IPCEF1: variants seen among roughly 807,000 people sequenced by gnomAD.
IPCEF1 encodes the protein interactor protein for cytohesin exchange factors 1.
Under a neutral mutation model 50.9 loss-of-function variants are expected in IPCEF1, and 31 were observed. The observed-to-expected ratio is 0.61, with a 90% CI of 0.46 to 0.82. The LOEUF (loss-of-function observed/expected upper bound fraction) is 0.82, where lower values mean the gene tolerates loss of function less well. IPCEF1 is among the 40% of genes least tolerant of loss of function. The pLI, the probability that IPCEF1 is intolerant of heterozygous loss-of-function variation, is 0.00. For missense variants in IPCEF1, 458 were observed against 514.0 expected, an observed-to-expected ratio of 0.89 and a Z score of 1.05; for synonymous variants, 181 against 192.0, an observed-to-expected ratio of 0.94 and a Z score of 0.47.
At chr6:154,323,731 T>C (rs979501741) in intron 1 of IPCEF1, among the ~76,000 whole-genome samples, 4 of 152,158 alleles carry the variant, frequency 2.6e-5, no homozygotes, top group Non-Finnish European at 4.4e-5. Context: ...GGTGGGCAGA[T>C]CACCTGAGGT....
At chr6:154,170,796 G>A (rs1196608827) in intron 10 of IPCEF1, among the ~76,000 whole-genome samples, 1 of 152,226 alleles carries the variant, frequency 6.6e-6, no homozygotes, top group Non-Finnish European at 1.5e-5. Flanking sequence ...AGTAGTAAGT[G>A]TGGATGAGGA....
At chr6:154,195,033 C>T (rs969017239) in intron 10 of IPCEF1, among the ~76,000 whole-genome samples, 4 of 152,122 alleles carry the variant, frequency 2.6e-5, no homozygotes, top group Non-Finnish European at 4.4e-5. Flanking sequence ...CCTTCCTTCC[C>T]GTCTCCACTG....
intron 9 of IPCEF1, among the ~76,000 whole-genome samples, chr6:154,207,876 C>T (rs909935144): frequency 3.3e-5 from 5 of 152,138 alleles, no homozygotes; most frequent in Non-Finnish European, 5.9e-5. Context: ...TATTTATCTC[C>T]TCTGTTTGTC....
chr6:154,241,397 A>T (rs1780581600), intron 5 of IPCEF1, among the ~76,000 whole-genome samples: 1 of 152,184 alleles, frequency 6.6e-6, no homozygotes, highest in African/African-American at 2.4e-5. Flanking sequence ...TAATAATTTT[A>T]TACAAAGAAA....
At chr6:154,343,006 C>T (rs897693623) in intron 1 of IPCEF1, among the ~76,000 whole-genome samples, 3 of 152,092 alleles carry the variant, frequency 2.0e-5, no homozygotes, top group Non-Finnish European at 4.4e-5. Context: ...GTCCCAGCTA[C>T]TCAGGAGGCT....
At chr6:154,345,116 C>T (rs1784002279) in intron 1 of IPCEF1, among the ~76,000 whole-genome samples, 1 of 152,222 alleles carries the variant, frequency 6.6e-6, no homozygotes, top group Admixed American at 6.5e-5. Flanking sequence ...GTGATCCACC[C>T]GCCTTGGCCT....
At chr6:154,288,381 C>T (rs1004390626) in intron 2 of IPCEF1, among the ~76,000 whole-genome samples, 2 of 151,924 alleles carry the variant, frequency 1.3e-5, no homozygotes, top group Non-Finnish European at 2.9e-5. Context: ...TAACTGTGGG[C>T]GGCCGGGCGC....
intron 2 of IPCEF1, among the ~76,000 whole-genome samples, chr6:154,266,560 CTATATATATA>C (rs34187257): frequency 1.5e-5 from 2 of 134,834 alleles, no homozygotes; most frequent in Non-Finnish European, 3.1e-5. Flanking sequence ...CTTAATATTA[CTATATATATA>C]TATATATATA....
At chr6:154,300,586 C>A (rs1311578624) in intron 1 of IPCEF1, among the ~76,000 whole-genome samples, 1 of 152,086 alleles carries the variant, frequency 6.6e-6, no homozygotes, top group East Asian at 1.9e-4. Context: ...TGCACTCCAG[C>A]CTGGGTGACA....
At chr6:154,233,997 C>T (rs1194848540) in intron 5 of IPCEF1, among the ~76,000 whole-genome samples, 1 of 152,104 alleles carries the variant, frequency 6.6e-6, no homozygotes, top group Non-Finnish European at 1.5e-5. Flanking sequence ...TCTCTTGAGG[C>T]TAGGAGTTCA....
intron 8 of IPCEF1, 59 bp downstream of exon 8, chr6:154,214,159 C>A: frequency 1.9e-6 from 2 of 1,080,200 alleles, no homozygotes; most frequent in South Asian, 2.5e-5. Flanking sequence ...TTTTTTCACC[C>A]TGTTTCAACC....
At chr6:154,290,516 A>G (rs1301901282) in intron 1 of IPCEF1, among the ~76,000 whole-genome samples, 1 of 152,076 alleles carries the variant, frequency 6.6e-6, no homozygotes, top group African/African-American at 2.4e-5. Context: ...CTCCTCAAAA[A>G]CTTGCCTCAG....
Position 154,212,799 on chromosome 6 carries a change from G to C in IPCEF1, c.508C>G (p.Pro170Ala), listed in dbSNP as rs766686514. ...DPEIAAETPP[P>A]PHASQTQSLT... ...GACTGAGTCTGGGAAGCGTGAGGAG[G>C]GGGTGGTGTCTCCGCAGCTATTTCT... Residue 170 changes from proline (P) to alanine (A), a missense_variant, in exon 9 of 12, where the codon CCT (proline) becomes GCT (alanine). Physicochemically the swap from Pro to Ala is conservative, Grantham distance 27. Coordinates refer to ENST00000367220, the MANE Select transcript of IPCEF1 (RefSeq NM_001130700.2). 8.1e-6 allele frequency: 13 copies of C among 1,613,456 alleles called. No homozygotes were observed. Among genetic ancestry groups the C allele is most frequent in the East Asian group, 6.7e-5 (3 of 44,896 alleles).
intron 5 of IPCEF1, among the ~76,000 whole-genome samples, chr6:154,237,216 G>A (rs1325377828): frequency 1.3e-5 from 2 of 152,066 alleles, no homozygotes; most frequent in Non-Finnish European, 2.9e-5. Context: ...TCATCCCATG[G>A]GCCACTTGGC....
At chr6:154,243,872 C>T (rs141019024) in intron 5 of IPCEF1, among the ~76,000 whole-genome samples, 8 of 152,272 alleles carry the variant, frequency 5.3e-5, no homozygotes, top group Non-Finnish European at 1.0e-4. Flanking sequence ...ACAACTACTA[C>T]CTCTCAGGGT....
At chr6:154,322,216 G>C (rs1334940800) in intron 1 of IPCEF1, among the ~76,000 whole-genome samples, 1 of 152,058 alleles carries the variant, frequency 6.6e-6, no homozygotes, top group Non-Finnish European at 1.5e-5. Context: ...AACTTCATCT[G>C]ATGAAAAGGC....
intron 10 of IPCEF1, among the ~76,000 whole-genome samples, chr6:154,183,036 G>A (rs1310289665): frequency 4.0e-5 from 6 of 151,886 alleles, no homozygotes; most frequent in Admixed American, 6.6e-5. Context: ...CTGGAGTGCA[G>A]TGGTGTGATC....
chr6:154,355,466 C>G (rs1007305866), intron 1 of IPCEF1, among the ~76,000 whole-genome samples: 2 of 151,554 alleles, frequency 1.3e-5, no homozygotes, highest in South Asian at 4.2e-4. Flanking sequence ...GTGTTCTTTC[C>G]ATTTCTGTTT....
rs573975941 is a variant in IPCEF1 at position 154,299,376 on chromosome 6, C to T, written c.-61-9620G>A. ...GTCTTTCATGGAATCAACCCAAATG[C>T]CCATCAATGACAGACTGGATAAAGA... On this transcript the variant is annotated intron_variant, in intron 1 of 11. Coordinates refer to ENST00000367220, the MANE Select transcript of IPCEF1 (RefSeq NM_001130700.2). Among the ~76,000 whole-genome samples, 110 of 141,206 alleles carry T rather than the reference C, an allele frequency of 7.8e-4. 13 individuals carry two copies. The highest frequency in any genetic ancestry group is 2.6e-3 in the African/African-American group (104 of 39,570). 92.6% of individuals were successfully genotyped at this position (141,206 alleles called of 152,430 possible). A position where few individuals can be genotyped will look rare whatever the true frequency, so the allele number is the denominator to read the frequency against.
Sources: gnomAD v4.1 joint callset for allele counts (sites outside exome capture counted in the v4.1 genomes callset) on GRCh38, gnomAD v4.1.1 for gene constraint, MANE v1.5 for transcripts, NCBI Gene and HGNC (gene_info 2026-07-23, HGNC 2026-07-21) for gene names.